Variants in DGKI observed in about 807,000 individuals in gnomAD.
DGKI encodes the protein diacylglycerol kinase iota, also known as DAG kinase iota.
A neutral mutation model predicts 147.5 loss-of-function variants in DGKI; 55 were observed. The ratio of observed to expected loss-of-function variants is 0.37; its 90% CI spans 0.30 to 0.47. The LOEUF is 0.47. DGKI is among the 20% of genes least tolerant of loss of function. The pLI is 1.00. For missense variants in DGKI, 1,007 were observed against 1,323.8 expected (o/e 0.76, Z 3.71); for synonymous variants, 469 against 477.1 (o/e 0.98, Z 0.22).
intron 6 of DGKI, among the ~76,000 whole-genome samples, chr7:137,644,027 C>T (rs908712399): frequency 6.6e-6 from 1 of 152,156 alleles, no homozygotes; most frequent in African/African-American, 2.4e-5. Flanking sequence ...CACACACACA[C>T]ATGCACACTT....
chr7:137,589,529 C>G (rs959472906), intron 12 of DGKI, among the ~76,000 whole-genome samples: 1 of 152,156 alleles, frequency 6.6e-6, no homozygotes, highest in Admixed American at 6.5e-5. Context: ...CTACTGAAGT[C>G]CAAATAAAAA....
chr7:137,618,151 A>ATACATTTTTTTTTTTT, intron 8 of DGKI, among the ~76,000 whole-genome samples: 2 of 10,450 alleles, frequency 1.9e-4, no homozygotes, highest in African/African-American at 2.5e-4. Context: ...ATATATATAT[A>ATACATTTTTTTTTTTT]TTTTTTTTTT....
intron 1 of DGKI, among the ~76,000 whole-genome samples, chr7:137,737,833 C>T (rs190841710): frequency 6.6e-6 from 1 of 152,090 alleles, no homozygotes; most frequent in Non-Finnish European, 1.5e-5. Flanking sequence ...TGGAACCTAT[C>T]TGCACACAAC....
intron 23 of DGKI, among the ~76,000 whole-genome samples, chr7:137,484,552 C>T (rs1027022318): frequency 4.6e-5 from 7 of 152,122 alleles, no homozygotes; most frequent in Middle Eastern, 3.4e-3. Flanking sequence ...TGAGACCAGT[C>T]AAAGAGCTTT....
intron 1 of DGKI, among the ~76,000 whole-genome samples, chr7:137,761,858 G>T (rs986432276): frequency 6.6e-6 from 1 of 152,064 alleles, no homozygotes; most frequent in Non-Finnish European, 1.5e-5. Flanking sequence ...TGTCTCACAG[G>T]CAGCCTAAAC....
At chr7:137,543,449 CATT>C (rs1817765791) in intron 20 of DGKI, among the ~76,000 whole-genome samples, 1 of 152,046 alleles carries the variant, frequency 6.6e-6, no homozygotes, top group African/African-American at 2.4e-5. Context: ...CATACACAGA[CATT>C]AGTAGTATGT....
At chr7:137,591,633 T>C (rs1819622108) in intron 12 of DGKI, among the ~76,000 whole-genome samples, 1 of 152,198 alleles carries the variant, frequency 6.6e-6, no homozygotes, top group Non-Finnish European at 1.5e-5. Context: ...TCATTTAATC[T>C]CTCTAAGCTC....
rs140626665 is a variant in DGKI, at chr7:137,484,910, A to G, written c.2373+464T>C. Reference sequence around the variant, plus strand: ...GGAAAAAAACATAGTCCTGGTTGCTAATGGCAGTCATCTTGGACCACAAAG... The same window carrying G: ...GGAAAAAAACATAGTCCTGGTTGCTGATGGCAGTCATCTTGGACCACAAAG... On this transcript the variant is annotated intron_variant, in intron 23 of 32. Transcript: ENST00000614521. 3.0e-3 allele frequency among the ~76,000 whole-genome samples: 450 copies of G among 152,076 alleles called. 9 individuals carry two copies. The highest frequency in any genetic ancestry group is 0.01 in the African/African-American group (427 of 41,524).
rs1818838859 is a variant in DGKI, at chr7:137,572,833, A to G, written c.1767T>C (p.Asp589=). The part of the protein sequence containing the change: ...DLSKHVKVVC[D]GTDLTPKIQE... ...GAATCTTTGGGGTGAGATCTGTTCC[A>G]TCACACTGAAACAATGAAAACAGAA... The change falls in exon 18 of 33, where the codon GAT becomes GAC. Residue 589 remains aspartate (D), a synonymous_variant. Coordinates refer to ENST00000614521, the MANE Select transcript of DGKI (RefSeq NM_001321708.2). 3 of 1,608,676 alleles carry G rather than the reference A, an allele frequency of 1.9e-6. No individual in the cohort carries two copies. Among genetic ancestry groups the G allele is most frequent in the Non-Finnish European group, 2.5e-6 (3 of 1,178,210 alleles).
Position 137,570,107 on chromosome 7 carries a change from AAT to A in DGKI, c.1947+1066_1947+1067del, listed in dbSNP as rs1214020691. 3.3e-5 allele frequency among the ~76,000 whole-genome samples: 5 copies of A among 152,270 alleles called. No homozygotes were observed. The East Asian group carries it at 9.7e-4, about 29-fold the overall frequency. On this transcript the variant is annotated intron_variant, in intron 19 of 32. Coordinates refer to ENST00000614521, the MANE Select transcript of DGKI (RefSeq NM_001321708.2). ...CTATTTTGATTTGTTTAGAATGAGA[AAT>A]ACAACCTTCTTTCTTTTATGCATAA...
intron 28 of DGKI, among the ~76,000 whole-genome samples, chr7:137,421,981 C>T (rs576840140): frequency 6.6e-6 from 1 of 152,176 alleles, no homozygotes; most frequent in Non-Finnish European, 1.5e-5. Context: ...CTTCAAATCT[C>T]TTTGTAAATC....
intron 1 of DGKI, among the ~76,000 whole-genome samples, chr7:137,713,122 G>A (rs768278954): frequency 2.6e-5 from 4 of 152,166 alleles, no homozygotes; most frequent in Non-Finnish European, 4.4e-5. Flanking sequence ...CTATCACCAT[G>A]TGTCTCAGCT....
At chr7:137,616,920 C>G (rs1201790010) in intron 8 of DGKI, among the ~76,000 whole-genome samples, 1 of 151,662 alleles carries the variant, frequency 6.6e-6, no homozygotes, top group Non-Finnish European at 1.5e-5. Flanking sequence ...GAAAACGACT[C>G]CTTGGCAACC....
chr7:137,836,088 C>T (rs748556673), intron 1 of DGKI, among the ~76,000 whole-genome samples: 1 of 151,964 alleles, frequency 6.6e-6, no homozygotes, highest in South Asian at 2.1e-4. Flanking sequence ...TATTAAGTAC[C>T]TAAATTTAGT....
chr7:137,767,022 C>T (rs1471445095), intron 1 of DGKI, among the ~76,000 whole-genome samples: 1 of 152,164 alleles, frequency 6.6e-6, no homozygotes, highest in Non-Finnish European at 1.5e-5. Context: ...ACCAGACGAG[C>T]CGGGGCCACC....
chr7:137,597,260 T>C (rs949415202), intron 12 of DGKI, among the ~76,000 whole-genome samples: 2 of 152,130 alleles, frequency 1.3e-5, no homozygotes, highest in East Asian at 1.9e-4. Context: ...TCCCAACACA[T>C]AGAAATGATA....
At chr7:137,554,582 A>G (rs967353187) in intron 19 of DGKI, among the ~76,000 whole-genome samples, 3 of 152,112 alleles carry the variant, frequency 2.0e-5, no homozygotes, top group Non-Finnish European at 4.4e-5. Flanking sequence ...ATCTTTTCAC[A>G]CTACACTCTT....
intron 8 of DGKI, among the ~76,000 whole-genome samples, chr7:137,618,151 A>ATATATATATATATTTTTTTT: frequency 9.6e-5 from 1 of 10,466 alleles, no homozygotes; most frequent in African/African-American, 1.2e-4. Context: ...ATATATATAT[A>ATATATATATATATTTTTTTT]TTTTTTTTTT....
chr7:137,716,111 C>T (rs1794368815), intron 1 of DGKI, among the ~76,000 whole-genome samples: 1 of 152,140 alleles, frequency 6.6e-6, no homozygotes, highest in Admixed American at 6.5e-5. Flanking sequence ...GGGAATCACC[C>T]AATGCTTTTG....
Sources: gnomAD v4.1 joint callset for allele counts (sites outside exome capture counted in the v4.1 genomes callset) on GRCh38, gnomAD v4.1.1 for gene constraint, MANE v1.5 for transcripts, NCBI Gene and HGNC (gene_info 2026-07-23, HGNC 2026-07-21) for gene names.